The following KANSL1L variants were observed in gnomAD, a reference collection of about 807,000 sequenced individuals.
KANSL1L encodes KAT8 regulatory NSL complex subunit 1-like protein.
KANSL1L carries 25 observed loss-of-function variants against 108.6 expected under a neutral mutation model. That is an observed-to-expected ratio of 0.23 (90% CI 0.17 to 0.32). The LOEUF is 0.32. KANSL1L is among the 10% of genes least tolerant of loss of function. The probability of loss-of-function intolerance (pLI) is 1.00; values close to 1 mark genes in which losing one functional copy is unlikely to be tolerated. For missense variants in KANSL1L, 1,137 were observed against 1,125.7 expected (o/e 1.01, Z -0.14); for synonymous variants, 405 against 395.1 (o/e 1.03, Z -0.30).
chr2:210,125,537 C>T (rs961399927), intron 3 of KANSL1L, among the ~76,000 whole-genome samples: 1 of 152,160 alleles, frequency 6.6e-6, no homozygotes, highest in Non-Finnish European at 1.5e-5. Context: ...AGATCAATAT[C>T]CCTTGTAAAT....
intron 3 of KANSL1L, among the ~76,000 whole-genome samples, chr2:210,124,711 G>A (rs2095050780): frequency 6.6e-6 from 1 of 152,024 alleles, no homozygotes; most frequent in Non-Finnish European, 1.5e-5. Context: ...AAAACTAAAA[G>A]TGGATTCTTT....
intron 2 of KANSL1L, among the ~76,000 whole-genome samples, chr2:210,141,216 CCTTT>C (rs1231907170): frequency 6.7e-6 from 1 of 148,634 alleles, no homozygotes; most frequent in Admixed American, 6.7e-5. Flanking sequence ...TCTTTTCTTT[CCTTT>C]TTCTCTTTTA....
chr2:210,144,720 G>C (rs536715442), intron 2 of KANSL1L, among the ~76,000 whole-genome samples: 1 of 152,112 alleles, frequency 6.6e-6, no homozygotes, highest in South Asian at 2.1e-4. Flanking sequence ...TTGTTTTCCT[G>C]ATTTTGTTGA....
At chr2:210,031,707 C>T (rs1453554805) in intron 8 of KANSL1L, among the ~76,000 whole-genome samples, 161 bp from the exon 9 acceptor site, 3 of 152,100 alleles carry the variant, frequency 2.0e-5, no homozygotes, top group African/African-American at 7.2e-5. Context: ...AAAACATCCC[C>T]AGGAATTTCC....
At chr2:210,096,874 T>A in intron 5 of KANSL1L, 1 of 593,470 alleles carries the variant, frequency 1.7e-6, no homozygotes, top group Non-Finnish European at 2.1e-6. Context: ...GTAAAAGTAT[T>A]AAAGATTAGA....
At chr2:210,116,689 G>A (rs925505903) in intron 3 of KANSL1L, among the ~76,000 whole-genome samples, 6 of 152,188 alleles carry the variant, frequency 3.9e-5, no homozygotes, top group Non-Finnish European at 5.9e-5. Flanking sequence ...TACTAAAGTT[G>A]GGGATATGAC....
intron 2 of KANSL1L, among the ~76,000 whole-genome samples, chr2:210,130,456 T>C (rs1028693362): frequency 6.6e-6 from 1 of 152,240 alleles, no homozygotes; most frequent in East Asian, 1.9e-4. Flanking sequence ...ACAATTATTA[T>C]GGCTTTGCTA....
intron 1 of KANSL1L, among the ~76,000 whole-genome samples, chr2:210,156,397 T>C (rs1260811630): frequency 1.3e-5 from 2 of 152,054 alleles, no homozygotes; most frequent in African/African-American, 4.8e-5. Flanking sequence ...ATGTTCATAA[T>C]GGCAAAACAT....
At chr2:210,062,873 A>G (rs1433388290) in intron 6 of KANSL1L, among the ~76,000 whole-genome samples, 1 of 152,140 alleles carries the variant, frequency 6.6e-6, no homozygotes, top group Non-Finnish European at 1.5e-5. Context: ...GAAAAATCCT[A>G]TTTTCTGAGG....
chr2:210,055,462 C>T (rs185420100), intron 6 of KANSL1L, among the ~76,000 whole-genome samples: 26 of 152,182 alleles, frequency 1.7e-4, no homozygotes, highest in Admixed American at 1.4e-3. Context: ...TTAGAGGGCC[C>T]AGAAGAGAAC....
At chr2:210,098,818 GAGT>G (rs2094764445) in intron 4 of KANSL1L, among the ~76,000 whole-genome samples, 1 of 16,480 alleles carries the variant, frequency 6.1e-5, no homozygotes, top group African/African-American at 6.7e-5. Flanking sequence ...ACAAATATCA[GAGT>G]TTTTTTTTTA....
At chr2:210,160,998 T>C (rs1402221212) in intron 1 of KANSL1L, among the ~76,000 whole-genome samples, 1 of 151,090 alleles carries the variant, frequency 6.6e-6, no homozygotes, top group Non-Finnish European at 1.5e-5. Flanking sequence ...TTTTTTTTTT[T>C]TTTTTTTTGA....
At chr2:210,035,445 C>A (rs1167295870) in intron 8 of KANSL1L, among the ~76,000 whole-genome samples, 1 of 152,152 alleles carries the variant, frequency 6.6e-6, no homozygotes, top group Non-Finnish European at 1.5e-5. Context: ...ACACAACTTA[C>A]CCTACAGGAA....
chr2:210,024,634 C>T (rs1224708817), intron 13 of KANSL1L, among the ~76,000 whole-genome samples: 1 of 151,890 alleles, frequency 6.6e-6, no homozygotes, highest in East Asian at 1.9e-4. Context: ...TTTCCCCTTC[C>T]CTCAAAGCTC....
chr2:210,148,943 T>C (rs2095283817), intron 2 of KANSL1L, among the ~76,000 whole-genome samples: 1 of 152,062 alleles, frequency 6.6e-6, no homozygotes, highest in Non-Finnish European at 1.5e-5. Flanking sequence ...ATTTTACTTA[T>C]CAACTTTAAA....
At chr2:210,145,427 C>G (rs1174444458) in intron 2 of KANSL1L, among the ~76,000 whole-genome samples, 1 of 152,162 alleles carries the variant, frequency 6.6e-6, no homozygotes, top group East Asian at 1.9e-4. Context: ...ATGTTAGTAA[C>G]AATGTGCAAG....
chr2:210,045,347 G>A (rs2094212550), intron 6 of KANSL1L, among the ~76,000 whole-genome samples: 1 of 151,890 alleles, frequency 6.6e-6, no homozygotes, highest in African/African-American at 2.4e-5. Context: ...TCCTTAGCCA[G>A]CTGGCCTTTA....
intron 6 of KANSL1L, among the ~76,000 whole-genome samples, chr2:210,067,687 G>C (rs1407584463): frequency 7.6e-6 from 1 of 130,856 alleles, no homozygotes; most frequent in African/African-American, 3.1e-5. Flanking sequence ...CTGCACTCCA[G>C]CCTGAGTGAC....
At chr2:210,096,477 T>C in intron 5 of KANSL1L, 1 of 984,492 alleles carries the variant, frequency 1.0e-6, no homozygotes, top group African/African-American at 1.7e-5. Context: ...TGACCAGAAA[T>C]ACAGGCAAGT....
Sources: gnomAD v4.1 joint callset for allele counts (sites outside exome capture counted in the v4.1 genomes callset) on GRCh38, gnomAD v4.1.1 for gene constraint, MANE v1.5 for transcripts, NCBI Gene and HGNC (gene_info 2026-07-23, HGNC 2026-07-21) for gene names.